The following STYX variants were observed in gnomAD, a reference collection of about 807,000 sequenced individuals.
STYX encodes the protein serine/threonine/tyrosine interacting protein, also known as serine/threonine/tyrosine-interacting protein.
A neutral mutation model predicts 42.7 loss-of-function variants in STYX; 20 were observed. That is an observed-to-expected ratio of 0.47 (90% CI 0.33 to 0.68). The LOEUF (loss-of-function observed/expected upper bound fraction) is 0.68. STYX is among the 30% of genes least tolerant of loss of function. The probability of loss-of-function intolerance (pLI) is 0.02; values close to 1 mark genes in which losing one functional copy is unlikely to be tolerated. For missense variants in STYX, 226 were observed against 268.5 expected (o/e 0.84, Z 1.11); for synonymous variants, 78 against 81.9 (o/e 0.95, Z 0.26).
chr14:52,733,649 G>A (rs1398439980), intron 1 of STYX, among the ~76,000 whole-genome samples: 2 of 152,080 alleles, frequency 1.3e-5, no homozygotes, highest in Non-Finnish European at 2.9e-5. Flanking sequence ...TTATTATAAA[G>A]GATACTACAA....
intron 4 of STYX, among the ~76,000 whole-genome samples, chr14:52,751,731 T>C (rs981738248): frequency 6.6e-6 from 1 of 152,228 alleles, no homozygotes; most frequent in East Asian, 1.9e-4. Context: ...TAGAGTATAT[T>C]ACGCATGGTA....
At chr14:52,761,526 G>A (rs1882092736) in intron 9 of STYX, among the ~76,000 whole-genome samples, 3 of 149,018 alleles carry the variant, frequency 2.0e-5, no homozygotes, top group African/African-American at 7.4e-5. Flanking sequence ...TCCTCCGAGT[G>A]CCTATTTCCT....
intron 9 of STYX, among the ~76,000 whole-genome samples, chr14:52,764,666 C>CTTA (rs763920591): frequency 1.0e-5 from 1 of 99,014 alleles, no homozygotes; most frequent in Non-Finnish European, 2.0e-5. Flanking sequence ...TTTACTTTTC[C>CTTA]TTTTTTTTTT....
chr14:52,765,436 C>T (rs1566680573), intron 9 of STYX, among the ~76,000 whole-genome samples: 2 of 152,288 alleles, frequency 1.3e-5, no homozygotes, highest in East Asian at 1.9e-4. Flanking sequence ...AGGCTGGTCT[C>T]AAACTTCCGA....
chr14:52,755,131 T>TTTG (rs1881808536), intron 4 of STYX, among the ~76,000 whole-genome samples: 1 of 150,596 alleles, frequency 6.6e-6, no homozygotes, highest in African/African-American at 2.4e-5. Context: ...GTTTTTTTTT[T>TTTG]TTTGTTTTTG....
intron 9 of STYX, among the ~76,000 whole-genome samples, chr14:52,760,683 A>G (rs993007970): frequency 1.3e-5 from 2 of 152,196 alleles, no homozygotes; most frequent in Non-Finnish European, 1.5e-5. Flanking sequence ...ACTACATTCA[A>G]AAGAGAAACA....
At chr14:52,754,736 G>T (rs925326487) in intron 4 of STYX, among the ~76,000 whole-genome samples, 2 of 151,974 alleles carry the variant, frequency 1.3e-5, no homozygotes, top group Non-Finnish European at 1.5e-5. Flanking sequence ...ACTATATAAG[G>T]TGAAACTAAT....
chr14:52,758,618 C>G (rs1346687268), intron 8 of STYX, among the ~76,000 whole-genome samples: 3 of 152,162 alleles, frequency 2.0e-5, no homozygotes, highest in African/African-American at 7.2e-5. Flanking sequence ...GCTCTATTGG[C>G]AGGCTGGAGT....
intron 1 of STYX, among the ~76,000 whole-genome samples, chr14:52,743,705 TAAAA>T (rs922892629): frequency 1.1e-4 from 16 of 152,302 alleles, no homozygotes; most frequent in African/African-American, 3.9e-4. Flanking sequence ...AATAAAAGGT[TAAAA>T]AAATATTTTC....
chr14:52,743,303 C>T (rs371187209), intron 1 of STYX, among the ~76,000 whole-genome samples: 2 of 151,482 alleles, frequency 1.3e-5, no homozygotes, highest in African/African-American at 4.8e-5. Context: ...TTTTCTGGGC[C>T]GGGGGCAGTA....
intron 9 of STYX, among the ~76,000 whole-genome samples, chr14:52,760,842 G>T (rs964141138): frequency 6.6e-6 from 1 of 151,346 alleles, no homozygotes; most frequent in Admixed American, 6.6e-5. Context: ...TGGATACATA[G>T]TAGGTTAGGT....
rs1440554264 is a variant in STYX at position 52,759,801 on chromosome 14, CTTTTATACATGTAAT to C, written c.504+50_504+64del. On this transcript the variant is annotated intron_variant, in intron 9 of 10. Transcript: ENST00000354586. ...GGCAATCAGAAGTAAGATATAAAAT[CTTTTATACATGTAAT>C]TTAGGTGTACAATTTACTTTGTGAA... is the stretch of plus-strand genomic sequence containing the variant. 2.4e-6 allele frequency: 3 copies of C among 1,248,158 alleles called. No homozygotes were observed. The South Asian group carries it at 3.8e-5, about 16-fold the overall frequency. 77.3% of individuals were successfully genotyped at this position (1,248,158 alleles called of 1,614,324 possible).
chr14:52,751,971 T>G (rs924271431), intron 4 of STYX, among the ~76,000 whole-genome samples: 1 of 152,166 alleles, frequency 6.6e-6, no homozygotes, highest in African/African-American at 2.4e-5. Context: ...GAGACCAGCC[T>G]GGCCAACATG....
intron 6 of STYX, 49 bp downstream of exon 6, chr14:52,757,404 G>C (rs1178693036): frequency 1.3e-6 from 2 of 1,520,624 alleles, no homozygotes; most frequent in Non-Finnish European, 9.1e-7. Flanking sequence ...TTGATTATTT[G>C]TTAATTTTTT....
intron 9 of STYX, among the ~76,000 whole-genome samples, chr14:52,760,230 A>C (rs1882037677): frequency 6.6e-6 from 1 of 152,002 alleles, no homozygotes; most frequent in Admixed American, 6.6e-5. Context: ...TTTTTTTCTT[A>C]AAGGCTGGCA....
chr14:52,748,452 T>C (rs1050983632), intron 3 of STYX, among the ~76,000 whole-genome samples: 1 of 152,230 alleles, frequency 6.6e-6, no homozygotes, highest in Non-Finnish European at 1.5e-5. Context: ...TTTACTTAAG[T>C]ATATCTTTTT....
At position 52,772,761 on chromosome 14, in the gene STYX, T is replaced by C. The variant is rs1882562437; in HGVS notation, c.*1655T>C. On this transcript the variant is annotated 3_prime_UTR_variant, in exon 11 of 11. Coordinates refer to ENST00000354586, the MANE Select transcript of STYX (RefSeq NM_145251.4). ...ATTAATTAAAATTGTTAATTAAGAG[T>C]TAATTCCTATTGACCCAGGTGATAT... is the stretch of plus-strand genomic sequence containing the variant. 1 of 152,284 alleles carries C rather than the reference T, an allele frequency of 6.6e-6. No homozygotes were observed. The highest frequency in any genetic ancestry group is 2.1e-4 in the South Asian group (1 of 4,812). The allele number at this position is 152,284 out of a possible 1,614,324, so 9.4% of individuals were successfully genotyped here.
intron 9 of STYX, among the ~76,000 whole-genome samples, chr14:52,767,377 A>G (rs1882346480): frequency 6.6e-6 from 1 of 152,184 alleles, no homozygotes; most frequent in Admixed American, 6.5e-5. Flanking sequence ...CATAACTGCC[A>G]TATTTTCTTT....
chr14:52,757,897 T>A lies in STYX; in HGVS notation c.404T>A (p.Ile135Asn). Residue 135 changes from isoleucine to asparagine, a missense_variant, in exon 8 of 11, where the codon ATT becomes AAT. Coordinates refer to ENST00000354586, the MANE Select transcript of STYX (RefSeq NM_145251.4). Reference protein sequence around the residue: ...SRSAAFVIAYIMETFGMKYRD... With the variant: ...SRSAAFVIAYNMETFGMKYRD... ...AGTGCAGCCTTTGTTATTGCATACA[T>A]TATGGAAACATTTGGAATGAAGTAC... is the stretch of plus-strand genomic sequence containing the variant. 1 of 1,612,366 alleles carries A rather than the reference T, an allele frequency of 6.2e-7. No homozygotes were observed. The highest frequency in any genetic ancestry group is 8.5e-7 in the Non-Finnish European group (1 of 1,179,784).
Sources: gnomAD v4.1 joint callset for allele counts (sites outside exome capture counted in the v4.1 genomes callset) on GRCh38, gnomAD v4.1.1 for gene constraint, MANE v1.5 for transcripts, NCBI Gene and HGNC (gene_info 2026-07-23, HGNC 2026-07-21) for gene names.